The following RNLS variants were observed in gnomAD, a reference collection of about 807,000 sequenced individuals.
RNLS encodes the protein renalase, FAD dependent amine oxidase.
Under a neutral mutation model 39.8 loss-of-function variants are expected in RNLS, and 39 were observed. The ratio of observed to expected loss-of-function variants is 0.98; its 90% CI spans 0.76 to 1.28. The LOEUF is 1.28. RNLS is among the 50% of genes most tolerant of loss of function. The pLI is 0.00. For synonymous variants in RNLS, 147 were observed against 150.7 expected (o/e 0.98, Z 0.18); for missense variants, 410 against 413.3 (o/e 0.99, Z 0.07).
At chr10:88,472,735 C>A (rs1733169033) in intron 4 of RNLS, among the ~76,000 whole-genome samples, 1 of 152,150 alleles carries the variant, frequency 6.6e-6, no homozygotes, top group African/African-American at 2.4e-5. Flanking sequence ...ACTACAGGCA[C>A]CCCATCACCT....
the RNLS span, among the ~76,000 whole-genome samples, chr10:88,260,477 T>C: frequency 6.6e-6 from 1 of 152,244 alleles, no homozygotes; most frequent in African/African-American, 2.4e-5. Flanking sequence ...ACTAAGGTTC[T>C]GAGTGGCTAG....
intron 4 of RNLS, among the ~76,000 whole-genome samples, chr10:88,462,356 A>G (rs1299784901): frequency 6.6e-6 from 1 of 152,036 alleles, no homozygotes; most frequent in African/African-American, 2.4e-5. Flanking sequence ...TGTGTTACAA[A>G]CAATCCAATT....
At chr10:88,347,101 C>G (rs1848360150) in intron 5 of RNLS, among the ~76,000 whole-genome samples, 1 of 152,156 alleles carries the variant, frequency 6.6e-6, no homozygotes, top group African/African-American at 2.4e-5. Flanking sequence ...TTTACTGTTT[C>G]CCAGGACCTG....
intron 4 of RNLS, among the ~76,000 whole-genome samples, chr10:88,399,646 T>C (rs1852792390): frequency 1.3e-5 from 2 of 152,020 alleles, no homozygotes. Context: ...CCAATGGGCA[T>C]GGAGTTTCTT....
intron 4 of RNLS, among the ~76,000 whole-genome samples, chr10:88,379,404 G>A (rs1018414984): frequency 1.4e-5 from 2 of 146,116 alleles, no homozygotes; most frequent in Non-Finnish European, 3.0e-5. Context: ...TATTTAATAG[G>A]GAAAAATAGT....
chr10:88,186,669 A>T, the RNLS span, among the ~76,000 whole-genome samples: 4 of 152,152 alleles, frequency 2.6e-5, no homozygotes, highest in Non-Finnish European at 5.9e-5. Flanking sequence ...AACACATGTA[A>T]TGCTTCCCAC....
chr10:88,467,111 G>A (rs949494396), intron 4 of RNLS, among the ~76,000 whole-genome samples: 10 of 151,924 alleles, frequency 6.6e-5, no homozygotes, highest in Non-Finnish European at 1.5e-4. Context: ...CTAGCCTGAC[G>A]CAACCATATT....
intron 4 of RNLS, among the ~76,000 whole-genome samples, chr10:88,437,396 G>T: frequency 6.6e-6 from 1 of 152,056 alleles, no homozygotes; most frequent in Non-Finnish European, 1.5e-5. Context: ...ACAAATTTAT[G>T]GTACAATTTA....
At chr10:88,493,233 C>T (rs772997127) in intron 4 of RNLS, among the ~76,000 whole-genome samples, 1 of 151,976 alleles carries the variant, frequency 6.6e-6, no homozygotes, top group Non-Finnish European at 1.5e-5. Flanking sequence ...ATAGGAGTTA[C>T]ATCTATTATA....
At chr10:88,451,492 C>T (rs1842359154) in intron 4 of RNLS, among the ~76,000 whole-genome samples, 2 of 152,188 alleles carry the variant, frequency 1.3e-5, no homozygotes, top group Non-Finnish European at 1.5e-5. Context: ...GGGAGCCCCA[C>T]TGAGCAATGC....
chr10:88,484,108 A>G (rs1165707813), intron 4 of RNLS, among the ~76,000 whole-genome samples: 1 of 152,070 alleles, frequency 6.6e-6, no homozygotes, highest in East Asian at 1.9e-4. Context: ...ACAAGATGAA[A>G]TCCGAAAACA....
intron 4 of RNLS, among the ~76,000 whole-genome samples, chr10:88,430,493 C>A (rs1208749362): frequency 1.3e-5 from 2 of 151,694 alleles, no homozygotes; most frequent in Non-Finnish European, 3.0e-5. Context: ...TCTTTTTCTC[C>A]CTATTGTACT....
chr10:88,488,654 G>T (rs1490310264), intron 4 of RNLS, among the ~76,000 whole-genome samples: 1 of 151,006 alleles, frequency 6.6e-6, no homozygotes, highest in East Asian at 1.9e-4. Context: ...ACTAAAATAT[G>T]AGCAAGCAAA....
intron 4 of RNLS, among the ~76,000 whole-genome samples, chr10:88,490,468 A>G (rs992175284): frequency 2.0e-5 from 3 of 152,166 alleles, no homozygotes; most frequent in African/African-American, 7.2e-5. Flanking sequence ...ACTAAACGAA[A>G]TCAGATAATA....
chr10:88,451,666 G>A (rs887883610), intron 4 of RNLS, among the ~76,000 whole-genome samples: 7 of 152,060 alleles, frequency 4.6e-5, no homozygotes, highest in Non-Finnish European at 1.0e-4. Flanking sequence ...TAGTTTCAGG[G>A]TTGGTGCTTC....
chr10:88,209,472 A>G, the RNLS span, among the ~76,000 whole-genome samples: 1 of 152,174 alleles, frequency 6.6e-6, no homozygotes, highest in East Asian at 1.9e-4. Context: ...GCTGGCAACC[A>G]GCAGGGCTAG....
chr10:88,483,285 C>T (rs571732616), intron 4 of RNLS, among the ~76,000 whole-genome samples: 1 of 152,250 alleles, frequency 6.6e-6, no homozygotes, highest in East Asian at 1.9e-4. Context: ...TTTACAACCC[C>T]TTTTGGGAAA....
At chr10:88,572,366 TTGAC>T (rs1192201708) in intron 4 of RNLS, among the ~76,000 whole-genome samples, 2 of 142,062 alleles carry the variant, frequency 1.4e-5, no homozygotes, top group Non-Finnish European at 3.0e-5. Flanking sequence ...AAAATTTTCT[TTGAC>T]TTTTAGTTCC....
intron 4 of RNLS, among the ~76,000 whole-genome samples, chr10:88,505,271 A>T (rs1034526508): frequency 1.4e-4 from 20 of 146,352 alleles, no homozygotes; most frequent in African/African-American, 5.0e-4. Context: ...GTTCTCAATT[A>T]AAAAAAAAAA....
Sources: allele counts gnomAD v4.1 joint callset (sites outside exome capture counted in the v4.1 genomes callset), GRCh38; gene constraint gnomAD v4.1.1; transcripts MANE v1.5; gene names NCBI Gene and HGNC (gene_info 2026-07-23, HGNC 2026-07-21).